The following SMYD3 variants were observed in gnomAD, a reference collection of about 807,000 sequenced individuals.
SMYD3 encodes SET and MYND domain containing 3, also known as histone-lysine N-methyltransferase SMYD3.
SMYD3 carries 36 observed loss-of-function variants against 57.7 expected under a neutral mutation model. That is an observed-to-expected ratio of 0.62 (90% confidence interval 0.48 to 0.82). SMYD3 has a LOEUF of 0.82. Among genes scored for constraint, SMYD3 ranks in the 40% least tolerant of loss-of-function variants. SMYD3 has a pLI of 0.00. For synonymous variants in SMYD3, 211 were observed against 195.0 expected, an observed-to-expected ratio of 1.08 and a Z score of -0.68; for missense variants, 515 against 538.8, an observed-to-expected ratio of 0.96 and a Z score of 0.44.
chr1:245,763,209 T>C (rs1268627129), intron 11 of SMYD3, among the ~76,000 whole-genome samples: 1 of 152,202 alleles, frequency 6.6e-6, no homozygotes, highest in Non-Finnish European at 1.5e-5. Context: ...CTTCGCTTCC[T>C]CCCTCCTCCT....
At chr1:246,326,770 AAAAAG>A (rs1273441837) in intron 5 of SMYD3, 3 of 264,528 alleles carry the variant, frequency 1.1e-5, no homozygotes, top group East Asian at 9.5e-5. Context: ...TCTAAAAACA[AAAAAG>A]AAAAGAAAAG....
chr1:245,813,096 C>G (rs1275476102), intron 10 of SMYD3, among the ~76,000 whole-genome samples: 1 of 143,504 alleles, frequency 7.0e-6, no homozygotes, highest in Non-Finnish European at 1.5e-5. Context: ...CTCATTGTAA[C>G]CTCCGCCTCC....
chr1:246,070,699 T>A (rs2060427941), intron 5 of SMYD3, among the ~76,000 whole-genome samples: 1 of 152,172 alleles, frequency 6.6e-6, no homozygotes, highest in East Asian at 1.9e-4. Flanking sequence ...AGCCATTGTG[T>A]TTACGTTCAC....
At position 245,814,315 on chromosome 1, in the gene SMYD3, G is replaced by C. The variant is rs576216002; in HGVS notation, c.1076+44181C>G. 3.2e-6 allele frequency: 3 copies of C among 936,844 alleles called. No individual in the cohort carries two copies. The Admixed American group carries it at 1.9e-4, about 58-fold the overall frequency. 58.0% of individuals were successfully genotyped at this position (936,844 alleles called of 1,614,324 possible). On this transcript the variant is annotated intron_variant, in intron 10 of 11. Coordinates refer to ENST00000490107, the MANE Select transcript of SMYD3 (RefSeq NM_001167740.2). Reference sequence around the variant, plus strand: ...AATTATCCAAACCACTGTCTTCATAGGAATATAAGAAAATTAAGGTAGATA... The same window carrying C: ...AATTATCCAAACCACTGTCTTCATACGAATATAAGAAAATTAAGGTAGATA...
intron 5 of SMYD3, among the ~76,000 whole-genome samples, chr1:246,248,351 G>C (rs1381073536): frequency 1.3e-5 from 2 of 151,974 alleles, no homozygotes; most frequent in African/African-American, 4.8e-5. Flanking sequence ...GATTTTGAAG[G>C]GATTTCACAA....
intron 10 of SMYD3, among the ~76,000 whole-genome samples, chr1:245,772,567 G>A (rs1241982577): frequency 3.3e-5 from 5 of 152,206 alleles, no homozygotes; most frequent in African/African-American, 1.2e-4. Context: ...GGAGGCTGAG[G>A]TGGGAGGATC....
intron 1 of SMYD3, among the ~76,000 whole-genome samples, chr1:246,404,332 T>C (rs1232860618): frequency 6.6e-6 from 1 of 152,162 alleles, no homozygotes; most frequent in Non-Finnish European, 1.5e-5. Flanking sequence ...CTGAAACATA[T>C]GCCGCAATAA....
chr1:246,303,799 T>C (rs2064935156), intron 5 of SMYD3, among the ~76,000 whole-genome samples: 1 of 152,222 alleles, frequency 6.6e-6, no homozygotes, highest in African/African-American at 2.4e-5. Context: ...AGCATTCTAA[T>C]TACAAAAATT....
At chr1:246,261,998 G>T (rs927863110) in intron 5 of SMYD3, among the ~76,000 whole-genome samples, 1 of 150,698 alleles carries the variant, frequency 6.6e-6, no homozygotes, top group African/African-American at 2.4e-5. Context: ...TCCTTCTGTG[G>T]CCAAAGTTTC....
rs1405032088 is a variant in SMYD3, at chr1:246,089,627, C to T, written c.532-159690G>A. 3.3e-5 allele frequency among the ~76,000 whole-genome samples: 5 copies of T among 152,156 alleles called. No individual in the cohort carries two copies. The South Asian group carries it at 1.0e-3, about 32-fold the overall frequency. On this transcript the variant is annotated intron_variant, in intron 5 of 11. Coordinates refer to ENST00000490107, the MANE Select transcript of SMYD3 (RefSeq NM_001167740.2). ...GGTTTCTAAAAATATTTCTATTTCA[C>T]TTGATCCAGATTTTCATGTTATATT...
At chr1:245,991,730 A>G (rs1345796597) in intron 5 of SMYD3, among the ~76,000 whole-genome samples, 2 of 152,250 alleles carry the variant, frequency 1.3e-5, no homozygotes, top group Non-Finnish European at 2.9e-5. Flanking sequence ...AACAGAAGCC[A>G]ATGTGTTTTA....
chr1:245,767,752 C>A lies in SMYD3; in HGVS notation c.1077-3603G>T, dbSNP rs1212174113. Among the ~76,000 whole-genome samples, 4 of 152,188 alleles carry A rather than the reference C, an allele frequency of 2.6e-5. No homozygotes were observed. The East Asian group carries it at 7.7e-4, about 29-fold the overall frequency. On this transcript the variant is annotated intron_variant, in intron 10 of 11. Coordinates refer to ENST00000490107, the MANE Select transcript of SMYD3 (RefSeq NM_001167740.2). Reference sequence around the variant, plus strand: ...GCCAGGCTGTGCAGAGGCACACACACGTGCAAAGCTAGGAACTCTGGACTT... The same window carrying A: ...GCCAGGCTGTGCAGAGGCACACACAAGTGCAAAGCTAGGAACTCTGGACTT...
chr1:246,437,169 G>C (rs2067392847), intron 1 of SMYD3, among the ~76,000 whole-genome samples: 1 of 152,176 alleles, frequency 6.6e-6, no homozygotes, highest in South Asian at 2.1e-4. Context: ...ACAGTGCTGG[G>C]ATTTCAGAGT....
intron 10 of SMYD3, among the ~76,000 whole-genome samples, chr1:245,769,994 C>T (rs573665409): frequency 7.9e-5 from 12 of 152,282 alleles, no homozygotes; most frequent in South Asian, 4.1e-4. Context: ...GATCACTCAA[C>T]GCAGAAGCCA....
chr1:246,134,962 T>C (rs2061645995), intron 5 of SMYD3, among the ~76,000 whole-genome samples: 1 of 151,548 alleles, frequency 6.6e-6, no homozygotes, highest in Non-Finnish European at 1.5e-5. Flanking sequence ...TTAGCATATA[T>C]GCTGAAGAGG....
intron 1 of SMYD3, among the ~76,000 whole-genome samples, chr1:246,411,333 T>A (rs899910271): frequency 7.2e-5 from 11 of 152,274 alleles, no homozygotes; most frequent in African/African-American, 2.6e-4. Context: ...CAACAGGTGC[T>A]GGAGAGGATG....
chr1:246,496,601 G>T (rs886340974), intron 1 of SMYD3, among the ~76,000 whole-genome samples: 2 of 152,136 alleles, frequency 1.3e-5, no homozygotes, highest in African/African-American at 4.8e-5. Flanking sequence ...GCCGATGCAG[G>T]TGAATTGCTT....
At chr1:246,430,820 G>A (rs2067286205) in intron 1 of SMYD3, among the ~76,000 whole-genome samples, 1 of 152,178 alleles carries the variant, frequency 6.6e-6, no homozygotes. Flanking sequence ...ATTACCTGAG[G>A]AACGTCAACA....
intron 6 of SMYD3, 141 bp from the exon 7 acceptor site, chr1:245,928,174 G>A (rs1214186657): frequency 1.8e-6 from 1 of 543,232 alleles, no homozygotes; most frequent in Non-Finnish European, 3.4e-6. Flanking sequence ...TTCAGTACTC[G>A]GGGATGCATT....
Sources: gnomAD v4.1 joint callset for allele counts (sites outside exome capture counted in the v4.1 genomes callset) on GRCh38, gnomAD v4.1.1 for gene constraint, MANE v1.5 for transcripts, NCBI Gene and HGNC (gene_info 2026-07-23, HGNC 2026-07-21) for gene names.